The following PDE4D variants were observed in gnomAD, a reference collection of about 807,000 sequenced individuals.
PDE4D encodes phosphodiesterase 4D, also known as 3',5'-cyclic-AMP phosphodiesterase 4D.
A neutral mutation model predicts 87.4 loss-of-function variants in PDE4D; 24 were observed. That is an observed-to-expected ratio of 0.27 (90% confidence interval 0.20 to 0.39). The LOEUF is 0.39. PDE4D is among the 10% of genes least tolerant of loss of function. The pLI, the probability that PDE4D is intolerant of heterozygous loss-of-function variation, is 1.00. For synonymous variants in PDE4D, 384 were observed against 383.2 expected, an observed-to-expected ratio of 1.00 and a Z score of -0.02; for missense variants, 714 against 1,041.0, an observed-to-expected ratio of 0.69 and a Z score of 4.32.
intron 1 of PDE4D, among the ~76,000 whole-genome samples, chr5:59,387,721 T>C (rs935839005): frequency 6.6e-6 from 1 of 152,164 alleles, no homozygotes; most frequent in Non-Finnish European, 1.5e-5. Flanking sequence ...TTTACATAGA[T>C]GTATACATTG....
intron 1 of PDE4D, among the ~76,000 whole-genome samples, chr5:59,795,629 A>G (rs1561675144): frequency 6.6e-6 from 1 of 152,126 alleles, no homozygotes; most frequent in African/African-American, 2.4e-5. Context: ...CCAATCCCCT[A>G]TTGGGCAGAA....
chr5:59,783,217 G>A (rs1764801742), intron 1 of PDE4D, among the ~76,000 whole-genome samples: 1 of 152,140 alleles, frequency 6.6e-6, no homozygotes, highest in Non-Finnish European at 1.5e-5. Flanking sequence ...GAATCACCCG[G>A]AGAATTTTAT....
In PDE4D at chr5:59,460,561, G is replaced by A. The variant is rs531479392; in HGVS notation, c.456-244593C>T. On this transcript the variant is annotated intron_variant, in intron 1 of 14. Transcript: ENST00000340635. ...GAACATGACCTAGATAGCTCATGCT[G>A]GGTCGTCTGGACAATATGCTAACAG... 2.6e-5 allele frequency among the ~76,000 whole-genome samples: 4 copies of A among 152,286 alleles called. No individual in the cohort carries two copies. The South Asian group carries it at 8.3e-4, about 32-fold the overall frequency.
At chr5:59,725,517 G>T (rs1015675646) in intron 1 of PDE4D, among the ~76,000 whole-genome samples, 75 of 152,200 alleles carry the variant, frequency 4.9e-4, no homozygotes, top group Non-Finnish European at 1.0e-4. Flanking sequence ...CCCAAAAAAG[G>T]AGATCTATCC....
intron 1 of PDE4D, among the ~76,000 whole-genome samples, chr5:60,256,571 AAC>A (rs1749075061): frequency 6.6e-6 from 1 of 151,940 alleles, no homozygotes; most frequent in South Asian, 2.1e-4. Flanking sequence ...ATTTATTAGA[AAC>A]ACATTGCATA....
chr5:59,529,620 A>G (rs1462015828), intron 1 of PDE4D, among the ~76,000 whole-genome samples: 1 of 152,124 alleles, frequency 6.6e-6, no homozygotes, highest in African/African-American at 2.4e-5. Flanking sequence ...TTCCTTCCCA[A>G]TTTACCTTCC....
chr5:59,478,315 TG>T (rs1803671609), intron 1 of PDE4D, among the ~76,000 whole-genome samples: 1 of 152,104 alleles, frequency 6.6e-6, no homozygotes, highest in South Asian at 2.1e-4. Flanking sequence ...ATTATCTAAT[TG>T]GAAATGGTAA....
At chr5:59,402,006 A>G (rs1270387994) in intron 1 of PDE4D, among the ~76,000 whole-genome samples, 1 of 152,204 alleles carries the variant, frequency 6.6e-6, no homozygotes, top group Non-Finnish European at 1.5e-5. Context: ...GATTTTCTGG[A>G]TGTTTTTGAG....
chr5:59,694,686 T>C (rs1200305956), intron 1 of PDE4D, among the ~76,000 whole-genome samples: 1 of 152,158 alleles, frequency 6.6e-6, no homozygotes, highest in Non-Finnish European at 1.5e-5. Context: ...CATAGAGATT[T>C]CTGGAAGAGC....
chr5:59,013,395 G>C (rs1457724201), intron 6 of PDE4D, among the ~76,000 whole-genome samples: 2 of 152,098 alleles, frequency 1.3e-5, no homozygotes, highest in Non-Finnish European at 1.5e-5. Context: ...AAAATTGATA[G>C]ACCACTAGCA....
chr5:59,339,727 T>C (rs1201801114), intron 1 of PDE4D, among the ~76,000 whole-genome samples: 1 of 152,140 alleles, frequency 6.6e-6, no homozygotes, highest in East Asian at 1.9e-4. Flanking sequence ...TGTGCGTCCT[T>C]GAGAGAATGA....
At chr5:59,995,321 CTTTTT>C (rs70975357) in intron 2 of PDE4D, among the ~76,000 whole-genome samples, 1 of 140,160 alleles carries the variant, frequency 7.1e-6, no homozygotes, top group Non-Finnish European at 1.5e-5. Context: ...TTCTTTCTTT[CTTTTT>C]TTTTTTTTTG....
chr5:60,408,161 T>C (rs1741733307), intron 1 of PDE4D, among the ~76,000 whole-genome samples: 1 of 152,186 alleles, frequency 6.6e-6, no homozygotes, highest in Non-Finnish European at 1.5e-5. Context: ...CCTTCAAGTC[T>C]GCACAGCTGG....
At chr5:60,197,086 T>TAGAG (rs1285995765) in intron 1 of PDE4D, among the ~76,000 whole-genome samples, 1 of 95,494 alleles carries the variant, frequency 1.0e-5, no homozygotes, top group African/African-American at 3.9e-5. Context: ...GTTAGATAGA[T>TAGAG]AGATAGATAG....
chr5:59,447,443 G>A (rs1366823255), intron 1 of PDE4D, among the ~76,000 whole-genome samples: 1 of 152,116 alleles, frequency 6.6e-6, no homozygotes, highest in African/African-American at 2.4e-5. Context: ...TCACACACTT[G>A]GGTCTCATGG....
chr5:59,871,947 C>G (rs1035866244), intron 1 of PDE4D, among the ~76,000 whole-genome samples: 4 of 152,092 alleles, frequency 2.6e-5, no homozygotes, highest in Admixed American at 2.0e-4. Context: ...TTAACTCAAT[C>G]TCTACTGCCA....
At chr5:60,319,067 C>A (rs770709749) in intron 1 of PDE4D, among the ~76,000 whole-genome samples, 1 of 152,136 alleles carries the variant, frequency 6.6e-6, no homozygotes, top group Non-Finnish European at 1.5e-5. Flanking sequence ...CTGGATAATA[C>A]CCTGCAGAGT....
chr5:59,737,579 CAT>C (rs1402081940), intron 1 of PDE4D, among the ~76,000 whole-genome samples: 5 of 152,166 alleles, frequency 3.3e-5, no homozygotes, highest in South Asian at 2.1e-4. Flanking sequence ...AAATTAATAA[CAT>C]AATATTTCAT....
At chr5:59,135,820 C>T (rs1776979590) in intron 5 of PDE4D, among the ~76,000 whole-genome samples, 1 of 152,120 alleles carries the variant, frequency 6.6e-6, no homozygotes, top group African/African-American at 2.4e-5. Context: ...CTCTACATAG[C>T]ATGAGGAGGA....
Sources: allele counts gnomAD v4.1 joint callset (sites outside exome capture counted in the v4.1 genomes callset), GRCh38; gene constraint gnomAD v4.1.1; transcripts MANE v1.5; gene names NCBI Gene and HGNC (gene_info 2026-07-23, HGNC 2026-07-21).